The following PARP3 variants were observed in gnomAD, a reference collection of about 807,000 sequenced individuals.
The protein encoded by PARP3 is poly(ADP-ribose) polymerase family member 3, also known as protein mono-ADP-ribosyltransferase PARP3.
A neutral mutation model predicts 58.2 loss-of-function variants in PARP3; 46 were observed. That is an observed-to-expected ratio of 0.79 (90% CI 0.62 to 1.01). PARP3 has a LOEUF of 1.01. Among genes scored for constraint, PARP3 ranks in the 50% least tolerant of loss-of-function variants. PARP3 has a pLI of 0.00. For missense variants in PARP3, 663 were observed against 683.9 expected (o/e 0.97, Z 0.34); for synonymous variants, 252 against 266.4 (o/e 0.95, Z 0.53).
rs1414919034 is a variant in PARP3 at position 51,942,515 on chromosome 3, C to A, written c.-196C>A. 5 of 692,658 alleles carry A rather than the reference C, an allele frequency of 7.2e-6. No individual in the cohort carries two copies. The highest frequency in any genetic ancestry group is 3.2e-5 in the South Asian group (2 of 63,296). 42.9% of individuals were successfully genotyped at this position (692,658 alleles called of 1,614,324 possible). ...GCCTGCCCCAGCCTCTGCTTCACCC[C>A]ACTGGTGGCCAAATAGCCGATGTCT... On this transcript the variant is annotated 5_prime_UTR_variant, in exon 1 of 11. Coordinates refer to ENST00000398755, the MANE Select transcript of PARP3 (RefSeq NM_001003931.4).
chr3:51,945,981 C>A, intron 8 of PARP3, 42 bp downstream of exon 8: 1 of 1,545,538 alleles, frequency 6.5e-7, no homozygotes, highest in Non-Finnish European at 8.9e-7. Context: ...ACCACTGTGC[C>A]TTAGGAAGAT....
Position 51,945,908 on chromosome 3 carries a change from A to G in PARP3, c.1067A>G (p.Gln356Arg). 1 of 1,614,120 alleles carries G rather than the reference A, an allele frequency of 6.2e-7. No homozygotes were observed. The change falls in exon 8 of 11, where the codon CAA becomes CGA. Residue 356 changes from glutamine to arginine, a missense_variant. Gln to Arg is a conservative substitution (Grantham distance 43, BLOSUM62 1). Around this residue, in one of 3 missense-constraint regions of PARP3, gnomAD observed 567 missense variants for 553.6 expected, o/e 1.02. Transcript: ENST00000398755. The stretch of plus-strand genomic sequence containing the variant: ...AGCAACCACAGGTGCCCTACACTTC[A>G]ACACATCTGGAAAGTAAACCAAGAA... ...TGSNHRCPTL[Q>R]HIWKVNQEGE...
intron 10 of PARP3, 65 bp downstream of exon 10, chr3:51,947,960 T>C: frequency 6.6e-7 from 1 of 1,508,106 alleles, no homozygotes; most frequent in South Asian, 1.2e-5. Flanking sequence ...CTGGGACATT[T>C]TCAGGGAGGG....
rs369994211 is a variant in PARP3, at chr3:51,947,913, G to A, written c.1432+18G>A. 9.3e-6 allele frequency: 15 copies of A among 1,612,982 alleles called. No individual in the cohort carries two copies. The African/African-American group carries it at 1.1e-4, about 11-fold the overall frequency. ...CGAGCCTGGTGAGTCCTCAGAAGCT[G>A]TACAGCCCAAGGAGAGAGGTGGGGC... On this transcript the variant is annotated intron_variant, in intron 10 of 10. Transcript: ENST00000398755.
At chr3:51,943,617 C>A in intron 2 of PARP3, 79 bp downstream of exon 2, 1 of 1,386,764 alleles carries the variant, frequency 7.2e-7, no homozygotes, top group Non-Finnish European at 9.9e-7. Flanking sequence ...CCTTAGGACT[C>A]TGTTCTGGTT....
Position 51,944,940 on chromosome 3 carries a change from G to A in PARP3, c.634+30G>A, listed in dbSNP as rs756036155. On this transcript the variant is annotated intron_variant, in intron 5 of 10. Coordinates refer to ENST00000398755, the MANE Select transcript of PARP3 (RefSeq NM_001003931.4). The surrounding 1 kb of genome is among the most constrained non-coding windows in gnomAD (Gnocchi z 4.2). ...GGGGTGAGAGGCAGGCAGGGTGGCA[G>A]GGGCCTCAGGGTGGCAGGGCTGTGG... 3.7e-6 allele frequency: 6 copies of A among 1,613,080 alleles called. No individual in the cohort carries two copies. The highest frequency in any genetic ancestry group is 5.1e-6 in the Non-Finnish European group (6 of 1,179,668).
rs1044568340 is a variant in PARP3, at chr3:51,942,404, T to G, written c.-307T>G. 1.3e-5 allele frequency: 7 copies of G among 557,546 alleles called. No individual in the cohort carries two copies. The highest frequency in any genetic ancestry group is 3.1e-5 in the East Asian group (1 of 32,770). 34.5% of individuals were successfully genotyped at this position (557,546 alleles called of 1,614,324 possible). Reference sequence around the variant, plus strand: ...ATGCGTGCTGCAGGCCCCGGCCACATGAGCAGCGCTACGGACGCGACTGCC... The same window carrying G: ...ATGCGTGCTGCAGGCCCCGGCCACAGGAGCAGCGCTACGGACGCGACTGCC... On this transcript the variant is annotated 5_prime_UTR_variant, in exon 1 of 11. It removes an upstream start codon present in the reference 5' UTR. Transcript: ENST00000398755.
intron 2 of PARP3, 115 bp from the exon 3 acceptor site, chr3:51,943,974 T>TC (rs1699607894): frequency 1.1e-6 from 1 of 916,266 alleles, no homozygotes; most frequent in East Asian, 2.5e-5. Flanking sequence ...CAAGACAGGG[T>TC]CCCTCTGACT....
At chr3:51,945,464 G>A (rs375583061) in intron 6 of PARP3, 31 bp from the exon 7 acceptor site, 29 of 1,607,522 alleles carry the variant, frequency 1.8e-5, no homozygotes, top group Non-Finnish European at 2.5e-5. Flanking sequence ...GGTCAAGTGG[G>A]AAGACAAACT....
Position 51,946,052 on chromosome 3 carries a change from C to G in PARP3, c.1098+113C>G. 1 of 1,350,426 alleles carries G rather than the reference C, an allele frequency of 7.4e-7. No homozygotes were observed. The highest frequency in any genetic ancestry group is 1.7e-5 in the Admixed American group (1 of 57,646). The allele number at this position is 1,350,426 out of a possible 1,614,324, so 83.7% of individuals were successfully genotyped here. A position where few individuals can be genotyped will look rare whatever the true frequency, so the allele number is the denominator to read the frequency against. ...GCAGCTCTGGTCAGTTTCTGCCGGC[C>G]ATGAGTGCGCGTGAGTAAGCAGAGG... On this transcript the variant is annotated intron_variant, in intron 8 of 10. Coordinates refer to ENST00000398755, the MANE Select transcript of PARP3 (RefSeq NM_001003931.4). The surrounding 1 kb of genome is among the most constrained non-coding windows in gnomAD (Gnocchi z 4.6).
Position 51,948,670 on chromosome 3 carries a change from T to C in PARP3, c.*190T>C. ...CTGAAATTTTGTATTCTTTGACACA[T>C]CTGCCCAGTCCCTCTCCTCCCAGCC... On this transcript the variant is annotated 3_prime_UTR_variant, in exon 11 of 11. Transcript: ENST00000398755. 1.7e-6 allele frequency: 1 copy of C among 582,652 alleles called. No homozygotes were observed. Among genetic ancestry groups the C allele is most frequent in the Non-Finnish European group, 3.0e-6 (1 of 333,074 alleles). 36.1% of individuals were successfully genotyped at this position (582,652 alleles called of 1,614,324 possible). A position where few individuals can be genotyped will look rare whatever the true frequency, so the allele number is the denominator to read the frequency against.
Position 51,945,119 on chromosome 3 carries a change from G to T in PARP3, c.756G>T (p.Glu252Asp). 1.2e-6 allele frequency: 2 copies of T among 1,614,160 alleles called. No individual in the cohort carries two copies. The highest frequency in any genetic ancestry group is 8.5e-7 in the Non-Finnish European group (1 of 1,180,044). ...CGGATGGTGGCCAAAGCCTGGAGGAGCTGTCCTCACACTTTTACACCGTCA... is the reference window on the plus strand; with the variant it reads ...CGGATGGTGGCCAAAGCCTGGAGGATCTGTCCTCACACTTTTACACCGTCA... Reference protein sequence around the residue: ...GPTDGGQSLEELSSHFYTVIP... With the variant: ...GPTDGGQSLEDLSSHFYTVIP... The change falls in exon 6 of 11, where the codon GAG becomes GAT. Residue 252 changes from glutamate to aspartate, a missense_variant. Glu to Asp is a conservative substitution (Grantham distance 45). This residue lies in a region of PARP3 where 567 missense variants were observed against 553.6 expected (regional missense o/e 1.02). Transcript: ENST00000398755.
At chr3:51,942,821 C>T in intron 1 of PARP3, 113 bp downstream of exon 1, 1 of 1,482,894 alleles carries the variant, frequency 6.7e-7, no homozygotes, top group South Asian at 1.4e-5. Flanking sequence ...CCTCAGAACT[C>T]TTGAGTCCAT....
At chr3:51,943,880 AC>A (rs980585893) in intron 2 of PARP3, among the ~76,000 whole-genome samples, 3 of 87,770 alleles carry the variant, frequency 3.4e-5, no homozygotes, top group Non-Finnish European at 4.8e-5. Flanking sequence ...CCCCCCCAGC[AC>A]CCCCCATACC....
Position 51,944,507 on chromosome 3 carries a change from G to T in PARP3, c.430G>T (p.Val144Leu). 1 of 1,614,214 alleles carries T rather than the reference G, an allele frequency of 6.2e-7. No individual in the cohort carries two copies. Among genetic ancestry groups the T allele is most frequent in the Non-Finnish European group, 8.5e-7 (1 of 1,180,052 alleles). Reference protein sequence around the residue: ...KNNWAERDHFVSHPGKYTLIE... With the variant: ...KNNWAERDHFLSHPGKYTLIE... ...CAACTGGGCAGAGCGGGACCACTTT[G>T]TGTCTCACCCGGGCAAGTACACACT... is the stretch of plus-strand genomic sequence containing the variant. Residue 144 changes from valine (V) to leucine (L), a missense_variant, in exon 4 of 11, where the codon GTG becomes TTG. Around this residue, in one of 3 missense-constraint regions of PARP3, gnomAD observed 567 missense variants for 553.6 expected, o/e 1.02. Coordinates refer to ENST00000398755, the MANE Select transcript of PARP3 (RefSeq NM_001003931.4). The surrounding 1 kb of genome is among the most constrained non-coding windows in gnomAD (Gnocchi z 4.2).
rs752224232 is a variant in PARP3, at chr3:51,942,687, C to A, written c.-24C>A. On this transcript the variant is annotated 5_prime_UTR_variant, in exon 1 of 11. Coordinates refer to ENST00000398755, the MANE Select transcript of PARP3 (RefSeq NM_001003931.4). The stretch of plus-strand genomic sequence containing the variant: ...AGGCCGGGTGGCAGCCAGGACCTCT[C>A]CCATGTCCCTGCTTTTCTTGGGTGA... 4.5e-6 allele frequency: 7 copies of A among 1,548,722 alleles called. No homozygotes were observed. In the South Asian group the frequency reaches 8.3e-5, roughly 18 times the overall value.
chr3:51,944,591 A>G lies in PARP3; in HGVS notation c.501+13A>G. On this transcript the variant is annotated intron_variant, in intron 4 of 10. Transcript: ENST00000398755. The surrounding 1 kb of genome is among the most constrained non-coding windows in gnomAD (Gnocchi z 4.2). ...AGCTGTGGTGAAGGTGAGATGGCCA[A>G]GGAAGGTGGGCAGGCCCTGGACTGA... 6.2e-7 allele frequency: 1 copy of G among 1,613,452 alleles called. No individual in the cohort carries two copies. Among genetic ancestry groups the G allele is most frequent in the Non-Finnish European group, 8.5e-7 (1 of 1,179,444 alleles).
Position 51,946,254 on chromosome 3 carries a change from C to T in PARP3, c.1187C>T (p.Thr396Ile). 6.2e-7 allele frequency: 1 copy of T among 1,614,096 alleles called. No homozygotes were observed. Among genetic ancestry groups the T allele is most frequent in the East Asian group, 2.2e-5 (1 of 44,882 alleles). ...ATGGCCGTGGTGGCCGCCATCCTCA[C>T]TAGTGGGCTCCGCATCATGCCACAT... ...TNMAVVAAIL[T>I]SGLRIMPHSG... is the part of the protein sequence containing the mutation. Residue 396 changes from threonine (T) to isoleucine (I), a missense_variant, in exon 9 of 11, where the codon ACT becomes ATT. Physicochemically the swap from Thr to Ile is moderately conservative, Grantham distance 89. Coordinates refer to ENST00000398755, the MANE Select transcript of PARP3 (RefSeq NM_001003931.4). This position sits in a 1 kb window ranked among gnomAD's most constrained non-coding sequence, Gnocchi z 4.6.
rs201530765 is a variant in PARP3 at position 51,945,572 on chromosome 3, C to A, written c.939C>A (p.His313Gln). The change falls in exon 7 of 11, where the codon CAC becomes CAA. Residue 313 changes from histidine to glutamine, a missense_variant. This residue lies in a region of PARP3 where 567 missense variants were observed against 553.6 expected (regional missense o/e 1.02). Transcript: ENST00000398755. The part of the protein sequence containing the change: ...EQEKTVEEVP[H>Q]PLDRDYQLLK... ...AGAAGACGGTGGAGGAGGTGCCACA[C>A]CCCCTGGACCGAGACTACCAGCTTC... 2.5e-5 allele frequency: 41 copies of A among 1,613,910 alleles called. 1 individual carries two copies. The African/African-American group carries it at 4.9e-4, about 19-fold the overall frequency.
Sources: gnomAD v4.1 joint callset for allele counts (sites outside exome capture counted in the v4.1 genomes callset) on GRCh38, gnomAD v4.1.1 for gene constraint, gnomAD v4.1.1 regional missense constraint, Gnocchi (gnomAD v3.1) non-coding constraint, MANE v1.5 for transcripts, NCBI Gene and HGNC (gene_info 2026-07-23, HGNC 2026-07-21) for gene names.